IL1RAPL1: variants seen among roughly 807,000 people sequenced by gnomAD.
The protein encoded by IL1RAPL1 is interleukin 1 receptor accessory protein like 1, also known as interleukin-1 receptor accessory protein-like 1.
In IL1RAPL1, 3 loss-of-function variants were observed where a neutral mutation model predicts 48.4. The observed-to-expected ratio is 0.06, with a 90% confidence interval of 0.03 to 0.16. The LOEUF (loss-of-function observed/expected upper bound fraction) is 0.16. Among genes scored for constraint, IL1RAPL1 ranks in the 10% least tolerant of loss-of-function variants. The probability of loss-of-function intolerance (pLI) is 1.00; values close to 1 mark genes in which losing one functional copy is unlikely to be tolerated. For missense variants in IL1RAPL1, 349 were observed against 530.6 expected (o/e 0.66, Z 3.36); for synonymous variants, 185 against 187.7 (o/e 0.99, Z 0.12).
intron 2 of IL1RAPL1, among the ~76,000 whole-genome samples, chrX:28,914,501 G>A (rs1172668710): frequency 9.0e-6 from 1 of 111,645 alleles, no homozygotes; most frequent in African/African-American, 3.3e-5. Flanking sequence ...TTGTCAAAGC[G>A]AATATTTGGT....
chrX:29,357,035 C>T (rs74626685), intron 3 of IL1RAPL1, among the ~76,000 whole-genome samples: 2 of 111,724 alleles, frequency 1.8e-5, no homozygotes, highest in Non-Finnish European at 3.8e-5. Flanking sequence ...TCCACCAAAC[C>T]AATCTCAAGA....
chrX:28,794,850 G>A (rs1314979070), intron 2 of IL1RAPL1, among the ~76,000 whole-genome samples: 1 of 111,984 alleles, frequency 8.9e-6, no homozygotes, highest in East Asian at 2.8e-4. Flanking sequence ...TTATACTACT[G>A]TGTAAAGAAA....
intron 5 of IL1RAPL1, among the ~76,000 whole-genome samples, chrX:29,645,770 A>G (rs1261651502): frequency 8.9e-6 from 1 of 111,866 alleles, no homozygotes; most frequent in African/African-American, 3.3e-5. Context: ...ATGCTGCACC[A>G]ACATTGGTGA....
rs186886607 is a variant in IL1RAPL1 at position 29,280,363 on chromosome X, G to A, written c.83-2575G>A. ...TTACTCTAGATAGTACCTCAATACA[G>A]CCCTTTTGTAAAAATTTTAAACCCA... On this transcript the variant is annotated intron_variant, in intron 2 of 10. Transcript: ENST00000378993. 1.6e-3 allele frequency among the ~76,000 whole-genome samples: 180 copies of A among 111,335 alleles called. 1 individual carries two copies. Among genetic ancestry groups the A allele is most frequent in the Admixed American group, 0.016 (164 of 10,396 alleles).
chrX:28,821,850 C>A (rs73630100), intron 2 of IL1RAPL1, among the ~76,000 whole-genome samples: 2,988 of 111,161 alleles, frequency 0.027, 99 homozygotes, highest in African/African-American at 0.092. Flanking sequence ...AAATCTAAAT[C>A]AAATTGGCCT....
At chrX:29,406,655 C>A (rs1457460668) in intron 5 of IL1RAPL1, among the ~76,000 whole-genome samples, 1 of 110,941 alleles carries the variant, frequency 9.0e-6, no homozygotes. Flanking sequence ...TAAACCTTTT[C>A]ATTTCCTACA....
intron 8 of IL1RAPL1, among the ~76,000 whole-genome samples, chrX:29,940,927 C>T (rs1219629462): frequency 9.0e-6 from 1 of 110,888 alleles, no homozygotes; most frequent in East Asian, 2.8e-4. Context: ...CTGTCCCATC[C>T]ACTAGGAGGC....
chrX:29,476,075 C>T lies in IL1RAPL1; in HGVS notation c.703+76767C>T, dbSNP rs750927839. Reference sequence around the variant, plus strand: ...ATCCGTGTCTTGCATAATAAAGCAGCCAAGATGGAGTAAAACGTAAAAGCA... The same window carrying T: ...ATCCGTGTCTTGCATAATAAAGCAGTCAAGATGGAGTAAAACGTAAAAGCA... On this transcript the variant is annotated intron_variant, in intron 5 of 10. Coordinates refer to ENST00000378993, the MANE Select transcript of IL1RAPL1 (RefSeq NM_014271.4). Among the ~76,000 whole-genome samples, 102 of 111,303 alleles carry T rather than the reference C, an allele frequency of 9.2e-4. 1 individual carries two copies. The highest frequency in any genetic ancestry group is 1.7e-3 in the Non-Finnish European group (88 of 53,053).
intron 1 of IL1RAPL1, among the ~76,000 whole-genome samples, chrX:28,771,976 T>C (rs1936314739): frequency 9.3e-6 from 1 of 107,607 alleles, no homozygotes; most frequent in Non-Finnish European, 1.9e-5. Context: ...AGAAAATTGC[T>C]AGAGACAATC....
At chrX:29,302,678 CT>C (rs1436712277) in intron 3 of IL1RAPL1, among the ~76,000 whole-genome samples, 1 of 111,628 alleles carries the variant, frequency 9.0e-6, no homozygotes, top group Non-Finnish European at 1.9e-5. Context: ...CAATGAAAAA[CT>C]TTAATCAGAT....
At chrX:28,972,435 A>G (rs1191346107) in intron 2 of IL1RAPL1, among the ~76,000 whole-genome samples, 2 of 111,764 alleles carry the variant, frequency 1.8e-5, no homozygotes, top group Non-Finnish European at 3.8e-5. Flanking sequence ...AGACGGAACT[A>G]AAATTCAAAA....
chrX:29,652,807 C>T, intron 5 of IL1RAPL1, among the ~76,000 whole-genome samples: 1 of 111,615 alleles, frequency 9.0e-6, no homozygotes. Context: ...ATCTTGGAGA[C>T]CTATGACCAA....
intron 5 of IL1RAPL1, among the ~76,000 whole-genome samples, chrX:29,437,261 C>T (rs778051337): frequency 7.8e-4 from 86 of 110,499 alleles, no homozygotes; most frequent in African/African-American, 2.7e-3. Context: ...ATAATTATTA[C>T]TGAGACTGAG....
rs1331595299 is a variant in IL1RAPL1, at chrX:28,860,500, C to T, written c.82+71075C>T. On this transcript the variant is annotated intron_variant, in intron 2 of 10. Transcript: ENST00000378993. ...TTGATGGAGTTTTTGCTCTTGTTTC[C>T]AGGCTGGAGTACAGTGGTGCAATCT... 2.8e-5 allele frequency among the ~76,000 whole-genome samples: 3 copies of T among 105,775 alleles called. No individual in the cohort carries two copies. In the East Asian group the frequency reaches 8.8e-4, roughly 31 times the overall value. The allele number at this position is 105,775 out of a possible 115,157, so 91.9% of individuals were successfully genotyped here.
At position 29,157,056 on chromosome X, in the gene IL1RAPL1, G is replaced by A. The variant is rs184606070; in HGVS notation, c.83-125882G>A. Among the ~76,000 whole-genome samples the A allele has an allele frequency of 9.5e-4, 106 of 111,750 alleles. 1 individual carries two copies. Among genetic ancestry groups the A allele is most frequent in the Non-Finnish European group, 2.6e-4 (14 of 53,173 alleles). On this transcript the variant is annotated intron_variant, in intron 2 of 10. Transcript: ENST00000378993. ...AAGATCCTTGGAGTTAAAGAGATAAGAGAACAGAGAGGCTAGAATGTTAGA... is the reference window on the plus strand; with the variant it reads ...AAGATCCTTGGAGTTAAAGAGATAAAAGAACAGAGAGGCTAGAATGTTAGA...
At chrX:29,003,024 G>A (rs1326980928) in intron 2 of IL1RAPL1, among the ~76,000 whole-genome samples, 2 of 110,516 alleles carry the variant, frequency 1.8e-5, no homozygotes, top group African/African-American at 6.6e-5. Flanking sequence ...ACAAACAAGG[G>A]AAAAAAATCA....
chrX:29,364,743 T>C (rs2147661734), intron 3 of IL1RAPL1, among the ~76,000 whole-genome samples: 1 of 110,811 alleles, frequency 9.0e-6, no homozygotes, highest in East Asian at 2.8e-4. Context: ...ATCCAGAAAT[T>C]ACTTAAAGTA....
At chrX:29,555,815 A>G (rs1921979340) in intron 5 of IL1RAPL1, among the ~76,000 whole-genome samples, 1 of 112,108 alleles carries the variant, frequency 8.9e-6, no homozygotes, top group Non-Finnish European at 1.9e-5. Context: ...AGCTTCCCTT[A>G]AAGAAAAGTT....
At chrX:29,000,346 C>CT (rs1465075087) in intron 2 of IL1RAPL1, among the ~76,000 whole-genome samples, 1 of 111,000 alleles carries the variant, frequency 9.0e-6, no homozygotes, top group Non-Finnish European at 1.9e-5. Flanking sequence ...AATTACTATT[C>CT]TTTTTCTCTC....
Sources: gnomAD v4.1 joint callset for allele counts (sites outside exome capture counted in the v4.1 genomes callset) on GRCh38, gnomAD v4.1.1 for gene constraint, MANE v1.5 for transcripts, NCBI Gene and HGNC (gene_info 2026-07-23, HGNC 2026-07-21) for gene names.